UBR2: variants seen among roughly 807,000 people sequenced by gnomAD.
UBR2 encodes E3 ubiquitin-protein ligase UBR2.
A neutral mutation model predicts 247.9 loss-of-function variants in UBR2; 92 were observed. The ratio of observed to expected loss-of-function variants is 0.37; its 90% CI spans 0.31 to 0.44. UBR2 has a LOEUF of 0.44. UBR2 is among the 20% of genes least tolerant of loss of function. UBR2 has a pLI of 1.00. For missense variants in UBR2, 1,613 were observed against 2,112.6 expected, an observed-to-expected ratio of 0.76 and a Z score of 4.64; for synonymous variants, 672 against 693.5, an observed-to-expected ratio of 0.97 and a Z score of 0.49.
intron 38 of UBR2, 134 bp from the exon 39 acceptor site, chr6:42,675,922 A>C (rs1487926731): frequency 4.0e-6 from 5 of 1,259,674 alleles, no homozygotes; most frequent in Non-Finnish European, 1.0e-6. Context: ...GCGCCATTGC[A>C]CTCCAGCCTG....
intron 1 of UBR2, among the ~76,000 whole-genome samples, chr6:42,573,255 C>T (rs59342210): frequency 0.022 from 3,363 of 152,222 alleles, 117 homozygotes; most frequent in African/African-American, 0.076. Context: ...TATAAACTTG[C>T]TTATCAATCA....
At chr6:42,586,094 G>A (rs1234849293) in intron 2 of UBR2, among the ~76,000 whole-genome samples, 4 of 152,048 alleles carry the variant, frequency 2.6e-5, no homozygotes, top group Admixed American at 6.6e-5. Context: ...ACCCAGCAAG[G>A]TGGCTCACGC....
At chr6:42,690,794 G>A (rs1362162349) in intron 46 of UBR2, among the ~76,000 whole-genome samples, 1 of 151,988 alleles carries the variant, frequency 6.6e-6, no homozygotes, top group Non-Finnish European at 1.5e-5. Context: ...CCTCACTCTG[G>A]GTAAGTCTGG....
Position 42,687,990 on chromosome 6 carries a change from T to C in UBR2, c.4854-226T>C, listed in dbSNP as rs532597907. On this transcript the variant is annotated intron_variant, in intron 44 of 46. Transcript: ENST00000372901. ...ATTGATGATTTTATTTATTTTTTTT[T>C]CTCCAGTTACTGATTCTTTTGAGTG... Among the ~76,000 whole-genome samples, 5 of 145,134 alleles carry C rather than the reference T, an allele frequency of 3.4e-5. No individual in the cohort carries two copies. The East Asian group carries it at 6.1e-4, about 18-fold the overall frequency.
Position 42,596,861 on chromosome 6 carries a change from A to T in UBR2, c.531+2557A>T, listed in dbSNP as rs527855671. Among the ~76,000 whole-genome samples, 3 of 152,288 alleles carry T rather than the reference A, an allele frequency of 2.0e-5. No homozygotes were observed. In the South Asian group the frequency reaches 6.2e-4, roughly 32 times the overall value. ...ATGGAGAGAAATGGCTTAGTAGGTA[A>T]GGGGTTTTACTTTGGAGTGATGGAA... On this transcript the variant is annotated intron_variant, in intron 4 of 46. Transcript: ENST00000372901.
intron 16 of UBR2, 151 bp downstream of exon 16, chr6:42,640,421 TG>T: frequency 2.0e-6 from 1 of 510,720 alleles, no homozygotes; most frequent in Non-Finnish European, 3.4e-6. Flanking sequence ...TGTGTGTGTG[TG>T]TGTGTGTGTG....
chr6:42,617,487 A>T lies in UBR2; in HGVS notation c.1261A>T (p.Ile421Leu), dbSNP rs754536796. ...TTCAGTCGCAGACCTCTCGGTTCAG[A>T]TATTCACGGTTCCTTCACTTGTAAG... Reference protein sequence around the residue: ...EFSVADLSVQIFTVPSLARML... With the variant: ...EFSVADLSVQLFTVPSLARML... Residue 421 changes from isoleucine to leucine, a missense_variant, in exon 11 of 47, where the codon ATA becomes TTA. Ile to Leu is a conservative substitution (Grantham distance 5, BLOSUM62 2). Coordinates refer to ENST00000372901, the MANE Select transcript of UBR2 (RefSeq NM_001363705.2). 6.4e-7 allele frequency: 1 copy of T among 1,552,070 alleles called. No individual in the cohort carries two copies. Among genetic ancestry groups the T allele is most frequent in the South Asian group, 1.2e-5 (1 of 84,260 alleles).
chr6:42,685,070 T>A (rs535773624), intron 44 of UBR2, among the ~76,000 whole-genome samples, 199 bp downstream of exon 44: 2 of 152,274 alleles, frequency 1.3e-5, no homozygotes, highest in Admixed American at 6.5e-5. Context: ...TCCCAGCACT[T>A]TGGGAGGCCG....
chr6:42,686,140 A>T (rs1799377536), intron 44 of UBR2, among the ~76,000 whole-genome samples: 1 of 151,826 alleles, frequency 6.6e-6, no homozygotes. Context: ...GGGATTTGGC[A>T]GGGTCATAGG....
intron 14 of UBR2, among the ~76,000 whole-genome samples, chr6:42,636,164 A>G (rs1340299885): frequency 2.1e-5 from 3 of 139,992 alleles, no homozygotes; most frequent in South Asian, 2.3e-4. Flanking sequence ...GGCCTTGGCC[A>G]TGGTTGTTTT....
intron 2 of UBR2, 132 bp from the exon 3 acceptor site, chr6:42,592,019 T>TA: frequency 2.5e-6 from 2 of 804,022 alleles, no homozygotes; most frequent in Non-Finnish European, 3.9e-6. Context: ...TTGGGAATGA[T>TA]ACTTCCTTTT....
At chr6:42,663,736 A>G (rs780230556) in intron 32 of UBR2, among the ~76,000 whole-genome samples, 1 of 152,216 alleles carries the variant, frequency 6.6e-6, no homozygotes, top group African/African-American at 2.4e-5. Flanking sequence ...AAACTGGTAG[A>G]GGGAGATGGA....
chr6:42,570,809 G>A (rs1175073929), intron 1 of UBR2, among the ~76,000 whole-genome samples: 1 of 151,514 alleles, frequency 6.6e-6, no homozygotes, highest in Non-Finnish European at 1.5e-5. Context: ...TCAGCCTCCT[G>A]AGTAGCTGGG....
At chr6:42,602,535 T>TTA (rs1452374611) in intron 4 of UBR2, among the ~76,000 whole-genome samples, 1 of 151,940 alleles carries the variant, frequency 6.6e-6, no homozygotes, top group Non-Finnish European at 1.5e-5. Context: ...TCCATTTGTT[T>TTA]TATATCAGTT....
At chr6:42,663,160 CTATTTGTGGAA>C in intron 31 of UBR2, 87 bp from the exon 32 acceptor site, 2 of 1,025,308 alleles carry the variant, frequency 2.0e-6, no homozygotes, top group Non-Finnish European at 2.6e-6. Context: ...CATTTTTGAA[CTATTTGTGGAA>C]ACAAATTATT....
chr6:42,590,513 G>A (rs1792587663), intron 2 of UBR2, among the ~76,000 whole-genome samples: 1 of 152,098 alleles, frequency 6.6e-6, no homozygotes, highest in African/African-American at 2.4e-5. Flanking sequence ...AAGAGAAACA[G>A]TTAAGAAAAA....
chr6:42,631,124 AC>A (rs1384411707), intron 11 of UBR2, among the ~76,000 whole-genome samples: 1 of 152,060 alleles, frequency 6.6e-6, no homozygotes, highest in Admixed American at 6.6e-5. Flanking sequence ...TTTTGATGAA[AC>A]TTTTTCTGTT....
At chr6:42,669,954 C>G (rs1159553855) in intron 34 of UBR2, 138 bp from the exon 35 acceptor site, 5 of 1,079,648 alleles carry the variant, frequency 4.6e-6, no homozygotes, top group East Asian at 2.7e-5. Context: ...TGCATTATCT[C>G]TGATCACTGC....
intron 32 of UBR2, 148 bp from the exon 33 acceptor site, chr6:42,665,261 A>AT (rs549421784): frequency 5.0e-4 from 269 of 542,744 alleles, no homozygotes; most frequent in South Asian, 2.6e-3. Context: ...CAATATCCTG[A>AT]TTTTTTTTAA....
Sources: gnomAD v4.1 joint callset for allele counts (sites outside exome capture counted in the v4.1 genomes callset) on GRCh38, gnomAD v4.1.1 for gene constraint, MANE v1.5 for transcripts, NCBI Gene and HGNC (gene_info 2026-07-23, HGNC 2026-07-21) for gene names.